JADE2: variants seen among roughly 807,000 people sequenced by gnomAD.
The protein encoded by JADE2 is jade family PHD finger 2.
A neutral mutation model predicts 85.7 loss-of-function variants in JADE2; 13 were observed. The ratio of observed to expected loss-of-function variants is 0.15; its 90% CI spans 0.10 to 0.24. JADE2 has a LOEUF of 0.24. JADE2 is among the 10% of genes least tolerant of loss of function. The pLI, the probability that JADE2 is intolerant of heterozygous loss-of-function variation, is 1.00. For synonymous variants in JADE2, 440 were observed against 456.1 expected (o/e 0.96, Z 0.45); for missense variants, 846 against 1,115.9 (o/e 0.76, Z 3.45).
Position 134,559,938 on chromosome 5 carries a change from C to T in JADE2, c.420C>T (p.Asp140=), listed in dbSNP as rs778257053. Residue 140 remains aspartate (D), a synonymous_variant, in exon 5 of 12, where the codon GAC becomes GAT. Transcript: ENST00000681547. Reference sequence around the variant, plus strand: ...CAGGGGGCAGCCGCTATGACTTGGACGAGATTGATGCCTACTGGCTGGAGC... The same window carrying T: ...CAGGGGGCAGCCGCTATGACTTGGATGAGATTGATGCCTACTGGCTGGAGC... ...DWPGGSRYDL[D]EIDAYWLELI... is the part of the protein sequence containing the mutation. 26 of 1,613,962 alleles carry T rather than the reference C, an allele frequency of 1.6e-5. No individual in the cohort carries two copies. Among genetic ancestry groups the T allele is most frequent in the Middle Eastern group, 1.6e-4 (1 of 6,080 alleles).
rs1160758941 is a variant in JADE2 at position 134,531,883 on chromosome 5, C to CT, written c.1-3945dup. Among the ~76,000 whole-genome samples the CT allele has an allele frequency of 5.9e-3, 228 of 38,468 alleles. 50 individuals carry two copies. Among genetic ancestry groups the CT allele is most frequent in the Non-Finnish European group, 7.7e-3 (167 of 21,800 alleles). 25.2% of individuals were successfully genotyped at this position (38,468 alleles called of 152,430 possible). A position where few individuals can be genotyped will look rare whatever the true frequency, so the allele number is the denominator to read the frequency against. ...TATAAGGATGAGCCACCGTGCCTGG[C>CT]TTTTTTTTTTTTTTTTTTTTTTTTT... On this transcript the variant is annotated intron_variant, in intron 1 of 11. Transcript: ENST00000681547.
At chr5:134,556,200 G>C (rs1762901653) in intron 4 of JADE2, among the ~76,000 whole-genome samples, 1 of 152,210 alleles carries the variant, frequency 6.6e-6, no homozygotes. Flanking sequence ...CAAGTAAGGG[G>C]CCTCCCCGCC....
At chr5:134,558,730 G>T (rs1441788894) in intron 4 of JADE2, among the ~76,000 whole-genome samples, 1 of 152,218 alleles carries the variant, frequency 6.6e-6, no homozygotes, top group East Asian at 1.9e-4. Flanking sequence ...TAGAGATGGG[G>T]TTTCCTCATG....
At position 134,562,039 on chromosome 5, in the gene JADE2, T is replaced by C. The variant is rs985049926; in HGVS notation, c.685-161T>C. Among the ~76,000 whole-genome samples the C allele has an allele frequency of 6.6e-6, 1 of 152,124 alleles. No homozygotes were observed. Among genetic ancestry groups the C allele is most frequent in the African/African-American group, 2.4e-5 (1 of 41,434 alleles). The stretch of plus-strand genomic sequence containing the variant: ...GGAGGGCTTTCCAGGAGCCCTTCCT[T>C]CCTTCCTTGCATTGTAACTCCTCAG... On this transcript the variant is annotated intron_variant, in intron 6 of 11. Coordinates refer to ENST00000681547, the MANE Select transcript of JADE2 (RefSeq NM_001388185.1). The surrounding 1 kb of genome is among the most constrained non-coding windows in gnomAD (Gnocchi z 4.6).
At chr5:134,576,716 G>A (rs546175025) in intron 10 of JADE2, 52 bp from the exon 11 acceptor site, 16 of 1,548,896 alleles carry the variant, frequency 1.0e-5, no homozygotes, top group South Asian at 6.0e-5. Context: ...GGTGCTGACC[G>A]AGGCCACTCA....
intron 4 of JADE2, among the ~76,000 whole-genome samples, chr5:134,553,742 A>G (rs1195248061): frequency 1.3e-5 from 2 of 152,196 alleles, no homozygotes; most frequent in Non-Finnish European, 2.9e-5. Context: ...TCAGGAAGCC[A>G]TTGCTATTAC....
intron 1 of JADE2, among the ~76,000 whole-genome samples, chr5:134,529,111 C>T (rs1317286797): frequency 6.6e-6 from 1 of 152,180 alleles, no homozygotes; most frequent in Non-Finnish European, 1.5e-5. Flanking sequence ...AACAGGAAGG[C>T]AGTTGTCTTA....
rs1210423737 is a variant in JADE2 at position 134,525,966 on chromosome 5, C to G, written c.-46C>G. On this transcript the variant is annotated 5_prime_UTR_variant, in exon 1 of 12. Transcript: ENST00000681547. ...CTTCCCGCGCCGGTCCCTGCAGCGG[C>G]GCGTAGCCGAGGGCAGCGCCCGTCA... 2 of 985,672 alleles carry G rather than the reference C, an allele frequency of 2.0e-6. No individual in the cohort carries two copies. Among genetic ancestry groups the G allele is most frequent in the African/African-American group, 3.5e-5 (2 of 57,210 alleles). The allele number at this position is 985,672 out of a possible 1,614,324, so 61.1% of individuals were successfully genotyped here.
At position 134,555,667 on chromosome 5, in the gene JADE2, C is replaced by T. The variant is rs116826372; in HGVS notation, c.311+3458C>T. On this transcript the variant is annotated intron_variant, in intron 4 of 11. Coordinates refer to ENST00000681547, the MANE Select transcript of JADE2 (RefSeq NM_001388185.1). ...GTTATGCCAGGAAGTGGTGGGCATC[C>T]GGACACCCCCACTCAGCATGTGCTT... Among the ~76,000 whole-genome samples, 1,468 of 152,310 alleles carry T rather than the reference C, an allele frequency of 9.6e-3. 36 individuals are homozygous for T. The highest frequency in any genetic ancestry group is 0.033 in the African/African-American group (1,378 of 41,550).
intron 1 of JADE2, among the ~76,000 whole-genome samples, chr5:134,534,798 C>T (rs1032618732): frequency 3.7e-4 from 57 of 152,308 alleles, no homozygotes; most frequent in Admixed American, 1.0e-3. Context: ...CCAATGTGTT[C>T]CCACATTAGG....
intron 1 of JADE2, chr5:134,526,717 A>C (rs1760849886): frequency 1.0e-6 from 1 of 985,246 alleles, no homozygotes; most frequent in African/African-American, 1.7e-5. Context: ...CTCTGCACAA[A>C]TTAGACAGTT....
At chr5:134,567,407 G>A (rs1306690078) in intron 9 of JADE2, among the ~76,000 whole-genome samples, 1 of 152,164 alleles carries the variant, frequency 6.6e-6, no homozygotes, top group Non-Finnish European at 1.5e-5. Context: ...CCAGGGGGCT[G>A]AGTGAAATGA....
At position 134,576,905 on chromosome 5, in the gene JADE2, G is replaced by T; in HGVS notation, c.1681+9G>T. On this transcript the variant is annotated intron_variant, in intron 11 of 11. Transcript: ENST00000681547. ...AGTCCTGGGGCAGCTGGGTGAGTGA[G>T]GGCCATGCTGGCCTGCAGACACGGC... 1 of 1,531,184 alleles carries T rather than the reference G, an allele frequency of 6.5e-7. No individual in the cohort carries two copies. Among genetic ancestry groups the T allele is most frequent in the South Asian group, 1.3e-5 (1 of 79,612 alleles). 94.8% of individuals were successfully genotyped at this position (1,531,184 alleles called of 1,614,324 possible).
At chr5:134,535,069 A>G (rs1028807018) in intron 1 of JADE2, among the ~76,000 whole-genome samples, 2 of 152,224 alleles carry the variant, frequency 1.3e-5, no homozygotes, top group Admixed American at 6.5e-5. Flanking sequence ...TCACTTGTAA[A>G]TGGAGCTCAC....
Position 134,526,581 on chromosome 5 carries a change from G to T in JADE2, c.-1+570G>T. 3 of 985,394 alleles carry T rather than the reference G, an allele frequency of 3.0e-6. No individual in the cohort carries two copies. The South Asian group carries it at 1.4e-4, about 46-fold the overall frequency. 61.0% of individuals were successfully genotyped at this position (985,394 alleles called of 1,614,324 possible). On this transcript the variant is annotated intron_variant, in intron 1 of 11. Coordinates refer to ENST00000681547, the MANE Select transcript of JADE2 (RefSeq NM_001388185.1). ...GCACATGACCTCGCGCTGGGCTCACGTGCAGCCGGTCCGGTCCCAGACACC... is the reference window on the plus strand; with the variant it reads ...GCACATGACCTCGCGCTGGGCTCACTTGCAGCCGGTCCGGTCCCAGACACC...
intron 1 of JADE2, among the ~76,000 whole-genome samples, chr5:134,531,708 G>A (rs575282516): frequency 1.3e-5 from 2 of 151,836 alleles, no homozygotes; most frequent in South Asian, 4.2e-4. Flanking sequence ...TCAGCCTCCA[G>A]AGTAGCTGAG....
intron 9 of JADE2, 97 bp from the exon 10 acceptor site, chr5:134,573,548 C>G (rs1393950479): frequency 9.7e-6 from 8 of 827,508 alleles, no homozygotes; most frequent in Admixed American, 1.9e-5. Flanking sequence ...TAGCCTGTGC[C>G]CCTGGCACTG....
intron 1 of JADE2, among the ~76,000 whole-genome samples, chr5:134,533,330 C>T (rs1307929535): frequency 6.6e-6 from 1 of 152,116 alleles, no homozygotes; most frequent in Non-Finnish European, 1.5e-5. Context: ...TTAGTTTGGC[C>T]CTTTCAAAGT....
chr5:134,552,384 C>T (rs1465327973), intron 4 of JADE2, among the ~76,000 whole-genome samples, 175 bp downstream of exon 4: 1 of 152,202 alleles, frequency 6.6e-6, no homozygotes, highest in East Asian at 1.9e-4. Context: ...GGTGGTTTAA[C>T]TGAGAGGCTA....
Sources: gnomAD v4.1 joint callset for allele counts (sites outside exome capture counted in the v4.1 genomes callset) on GRCh38, gnomAD v4.1.1 for gene constraint, Gnocchi (gnomAD v3.1) non-coding constraint, MANE v1.5 for transcripts, NCBI Gene and HGNC (gene_info 2026-07-23, HGNC 2026-07-21) for gene names.